Variants in ENDOV observed in about 807,000 individuals in gnomAD.
ENDOV encodes the protein endonuclease V.
ENDOV carries 37 observed loss-of-function variants against 39.4 expected under a neutral mutation model. That is an observed-to-expected ratio of 0.94 (90% CI 0.72 to 1.23). ENDOV has a LOEUF of 1.23. ENDOV is among the 50% of genes most tolerant of loss of function. The pLI is 0.00. For synonymous variants in ENDOV, 186 were observed against 163.4 expected (o/e 1.14, Z -1.05); for missense variants, 441 against 375.7 (o/e 1.17, Z -1.44).
intron 2 of ENDOV, chr17:80,417,749 T>A (rs1463984748): frequency 6.6e-6 from 1 of 152,238 alleles, no homozygotes; most frequent in Admixed American, 6.5e-5. Context: ...TGGCCTGTCT[T>A]CCCTACTGGA....
Position 80,436,449 on chromosome 17 carries a change from C to A in ENDOV, c.*306C>A. 3.6e-6 allele frequency: 4 copies of A among 1,115,112 alleles called. No homozygotes were observed. The highest frequency in any genetic ancestry group is 4.7e-6 in the Non-Finnish European group (4 of 845,738). The allele number at this position is 1,115,112 out of a possible 1,614,324, so 69.1% of individuals were successfully genotyped here. ...TTCATCCAGCTGAAGACGGTCCCTT[C>A]TAGTCCTAATTTGTTAAGTGTTTTT... On this transcript the variant is annotated 3_prime_UTR_variant, in exon 10 of 10. Transcript: ENST00000518137.
chr17:80,415,277 G>A (rs1410102796), intron 1 of ENDOV, 27 bp downstream of exon 1: 2 of 1,611,984 alleles, frequency 1.2e-6, no homozygotes, highest in Admixed American at 1.7e-5. Context: ...ACGCGCAGGA[G>A]GCGGGGGCCG....
intron 2 of ENDOV, chr17:80,416,251 A>AG (rs1237526061): frequency 6.2e-6 from 1 of 162,072 alleles, no homozygotes; most frequent in Non-Finnish European, 1.3e-5. Context: ...AAAAAAAAAA[A>AG]AAAAAAAAAG....
intron 9 of ENDOV, among the ~76,000 whole-genome samples, chr17:80,432,440 T>A (rs749405720): frequency 6.6e-6 from 1 of 152,028 alleles, no homozygotes; most frequent in Non-Finnish European, 1.5e-5. Context: ...TCCAGAGGTG[T>A]TCCCCTGAAA....
chr17:80,421,981 G>A lies in ENDOV; in HGVS notation c.363+19G>A. ...GCCCCAGGCAGGTGTCTCATCCCTA[G>A]GACGAGAGAAAGGTCCCTCCTTCCC... On this transcript the variant is annotated intron_variant, in intron 3 of 9. Coordinates refer to ENST00000518137, the MANE Select transcript of ENDOV (RefSeq NM_173627.5). The A allele has an allele frequency of 6.2e-7, 1 of 1,605,564 alleles. No individual in the cohort carries two copies. Among genetic ancestry groups the A allele is most frequent in the Non-Finnish European group, 8.5e-7 (1 of 1,179,364 alleles).
chr17:80,418,926 C>A (rs1023209844), intron 2 of ENDOV: 4 of 152,150 alleles, frequency 2.6e-5, no homozygotes, highest in African/African-American at 9.7e-5. Context: ...AATCCCAGCA[C>A]TTTGGGAGGC....
chr17:80,427,425 C>G (rs2082841480), intron 7 of ENDOV: 1 of 985,314 alleles, frequency 1.0e-6, no homozygotes, highest in Admixed American at 6.1e-5. Context: ...GACACCTGGC[C>G]TGTGAGTACC....
At chr17:80,427,284 C>T (rs1043668881) in intron 7 of ENDOV, 112 of 309,640 alleles carry the variant, frequency 3.6e-4, no homozygotes, top group Admixed American at 5.8e-4. Context: ...GAAACTGTCC[C>T]CCAGGCCTTC....
In ENDOV at chr17:80,437,383, G is replaced by C. The variant is rs916868643; in HGVS notation, c.*1240G>C. ...CAAGTCCTCAGTAAGGCCTGTCTTT[G>C]GGGGAGCAGGGTTTCAGGAGGACAG... On this transcript the variant is annotated 3_prime_UTR_variant, in exon 10 of 10. Transcript: ENST00000518137. The C allele has an allele frequency of 1.3e-5, 2 of 152,694 alleles. No homozygotes were observed. Among genetic ancestry groups the C allele is most frequent in the Non-Finnish European group, 2.9e-5 (2 of 68,096 alleles). 9.5% of individuals were successfully genotyped at this position (152,694 alleles called of 1,614,324 possible). A position where few individuals can be genotyped will look rare whatever the true frequency, so the allele number is the denominator to read the frequency against.
chr17:80,420,601 C>A (rs1390665749), intron 2 of ENDOV: 1 of 152,210 alleles, frequency 6.6e-6, no homozygotes, highest in Non-Finnish European at 1.5e-5. Flanking sequence ...AAGCTGTCAC[C>A]AAGAGATTTG....
intron 9 of ENDOV, among the ~76,000 whole-genome samples, chr17:80,431,882 G>A (rs1233687118): frequency 1.3e-5 from 2 of 152,218 alleles, no homozygotes; most frequent in Admixed American, 1.3e-4. Flanking sequence ...AGGCCAGTGT[G>A]GGGAGAGTGT....
At chr17:80,419,481 C>T (rs1002342913) in intron 2 of ENDOV, 1 of 667,498 alleles carries the variant, frequency 1.5e-6, no homozygotes, top group East Asian at 2.7e-5. Context: ...TGTGCTGCTC[C>T]ACAGGCCTGG....
chr17:80,419,298 G>A, intron 2 of ENDOV: 1 of 409,862 alleles, frequency 2.4e-6, no homozygotes, highest in South Asian at 4.9e-5. Flanking sequence ...GCAGAGCTGG[G>A]CTGGAGAACC....
intron 2 of ENDOV, chr17:80,419,919 G>T: frequency 7.8e-6 from 4 of 514,538 alleles, no homozygotes; most frequent in Non-Finnish European, 1.1e-5. Flanking sequence ...GAGATTGCTG[G>T]TCATCCAGAC....
chr17:80,433,664 G>A (rs2083453733), intron 9 of ENDOV, among the ~76,000 whole-genome samples: 1 of 152,246 alleles, frequency 6.6e-6, no homozygotes, highest in African/African-American at 2.4e-5. Flanking sequence ...ACAAAGAGCA[G>A]TAGCTTCAAC....
intron 6 of ENDOV, among the ~76,000 whole-genome samples, 174 bp downstream of exon 6, chr17:80,425,274 TCTTTC>T (rs2082551591): frequency 6.6e-6 from 1 of 152,150 alleles, no homozygotes; most frequent in African/African-American, 2.4e-5. Flanking sequence ...TGTTTGTGTT[TCTTTC>T]CTCCAGCCGT....
In ENDOV at chr17:80,427,461, A is replaced by C. The variant is rs376263827; in HGVS notation, c.715-1135A>C. 1.0e-4 allele frequency: 99 copies of C among 985,464 alleles called. 2 individuals carry two copies. In the East Asian group the frequency reaches 5.8e-3, roughly 58 times the overall value. 61.0% of individuals were successfully genotyped at this position (985,464 alleles called of 1,614,324 possible). On this transcript the variant is annotated intron_variant, in intron 7 of 9. Coordinates refer to ENST00000518137, the MANE Select transcript of ENDOV (RefSeq NM_173627.5). ...TTAAGCATCTAGAAATAGAGCAAGG[A>C]TCTGTGCCTAGCACCAGCAAAGAGC...
At chr17:80,415,427 G>GT in intron 1 of ENDOV, 177 bp downstream of exon 1, 1 of 992,866 alleles carries the variant, frequency 1.0e-6, no homozygotes. Context: ...TAGTCCGCGG[G>GT]GTGGGCGCGG....
intron 9 of ENDOV, among the ~76,000 whole-genome samples, chr17:80,432,489 T>C (rs2083388754): frequency 6.6e-6 from 1 of 151,998 alleles, no homozygotes; most frequent in African/African-American, 2.4e-5. Flanking sequence ...TGGGCTGGGC[T>C]CTCCCGGCAG....
Sources: gnomAD v4.1 joint callset for allele counts (sites outside exome capture counted in the v4.1 genomes callset) on GRCh38, gnomAD v4.1.1 for gene constraint, MANE v1.5 for transcripts, NCBI Gene and HGNC (gene_info 2026-07-23, HGNC 2026-07-21) for gene names.